The following PHF21B variants were observed in gnomAD, a reference collection of about 807,000 sequenced individuals.
PHF21B encodes the protein PHD finger protein 4.
PHF21B carries 22 observed loss-of-function variants against 62.2 expected under a neutral mutation model. The ratio of observed to expected loss-of-function variants is 0.35; its 90% CI spans 0.25 to 0.51. The LOEUF (loss-of-function observed/expected upper bound fraction) is 0.51. Ranked by LOEUF, PHF21B falls within the 20% of genes least tolerant of loss-of-function variation. The pLI is 0.97. For missense variants in PHF21B, 701 were observed against 707.9 expected (o/e 0.99, Z 0.11); for synonymous variants, 341 against 314.7 (o/e 1.08, Z -0.88).
chr22:44,908,706 T>C (rs2071294258), intron 5 of PHF21B, among the ~76,000 whole-genome samples: 1 of 152,244 alleles, frequency 6.6e-6, no homozygotes, highest in Non-Finnish European at 1.5e-5. Flanking sequence ...CAGCTACTGC[T>C]GTCCGGTTTC....
At chr22:44,998,858 C>T (rs1343651163) in intron 2 of PHF21B, among the ~76,000 whole-genome samples, 1 of 152,198 alleles carries the variant, frequency 6.6e-6, no homozygotes. Context: ...AATGCTCGCC[C>T]CATTCATCCC....
intron 5 of PHF21B, among the ~76,000 whole-genome samples, chr22:44,900,596 C>T (rs1042718873): frequency 1.1e-4 from 17 of 152,306 alleles, no homozygotes; most frequent in African/African-American, 2.9e-4. Flanking sequence ...CCACTGCACC[C>T]GGCTAGATTT....
chr22:44,913,779 C>A (rs938697240), intron 5 of PHF21B, 43 bp downstream of exon 5: 35 of 1,578,690 alleles, frequency 2.2e-5, no homozygotes, highest in Non-Finnish European at 3.0e-5. Flanking sequence ...ATGGCACCTG[C>A]AGACTGAGCA....
intron 2 of PHF21B, among the ~76,000 whole-genome samples, chr22:44,923,658 C>T (rs2071577381): frequency 6.6e-6 from 1 of 152,028 alleles, no homozygotes; most frequent in South Asian, 2.1e-4. Context: ...ACTCTTAAAA[C>T]TCAATAATCT....
At chr22:45,007,995 G>A (rs1030814917) in intron 2 of PHF21B, among the ~76,000 whole-genome samples, 4 of 152,046 alleles carry the variant, frequency 2.6e-5, no homozygotes, top group Non-Finnish European at 5.9e-5. Flanking sequence ...CAAAGTTGGA[G>A]CAGAACTGGG....
At chr22:44,992,794 A>ACC (rs1023388276) in intron 2 of PHF21B, among the ~76,000 whole-genome samples, 3 of 151,358 alleles carry the variant, frequency 2.0e-5, no homozygotes, top group Non-Finnish European at 4.4e-5. Flanking sequence ...CCTGACGCTG[A>ACC]CCCCCCAGAG....
intron 5 of PHF21B, among the ~76,000 whole-genome samples, chr22:44,898,968 C>G (rs947258065): frequency 2.0e-5 from 3 of 152,152 alleles, no homozygotes; most frequent in Non-Finnish European, 2.9e-5. Context: ...GGGTCTATTT[C>G]TGGGCCTTCT....
rs1265750908 is a variant in PHF21B at position 44,914,010 on chromosome 22, G to C, written c.643C>G (p.Pro215Ala). The C allele has an allele frequency of 6.7e-7, 1 of 1,495,646 alleles. No individual in the cohort carries two copies. Among genetic ancestry groups the C allele is most frequent in the African/African-American group, 1.4e-5 (1 of 72,082 alleles). The allele number at this position is 1,495,646 out of a possible 1,614,324, so 92.6% of individuals were successfully genotyped here. ...PLHPSSLPLT[P>A]PSPSLSPSPL... is the part of the protein sequence containing the mutation. ...GAAGGGGACAGTGATGGGGAGGGAG[G>C]GGTGAGGGGAAGAGAGGAGGGGTGG... Residue 215 changes from proline (P) to alanine (A), a missense_variant, in exon 5 of 13, where the codon CCT (proline) becomes GCT (alanine). Transcript: ENST00000313237.
chr22:44,974,276 T>C (rs894243511), intron 2 of PHF21B, among the ~76,000 whole-genome samples: 2 of 151,856 alleles, frequency 1.3e-5, no homozygotes, highest in Non-Finnish European at 1.5e-5. Context: ...CAGCTGGGCA[T>C]GGTGGCGGAT....
At chr22:44,985,021 A>T (rs2072921000) in intron 2 of PHF21B, among the ~76,000 whole-genome samples, 1 of 152,046 alleles carries the variant, frequency 6.6e-6, no homozygotes, top group Non-Finnish European at 1.5e-5. Context: ...TATCCTGTTA[A>T]CTCTGCAGGG....
At chr22:44,899,714 T>A (rs555266108) in intron 5 of PHF21B, among the ~76,000 whole-genome samples, 3 of 152,224 alleles carry the variant, frequency 2.0e-5, no homozygotes, top group African/African-American at 7.2e-5. Flanking sequence ...AAATATTGAA[T>A]ATTCTTATTA....
At chr22:44,946,989 G>A (rs541258521) in intron 2 of PHF21B, among the ~76,000 whole-genome samples, 5 of 152,328 alleles carry the variant, frequency 3.3e-5, no homozygotes, top group East Asian at 1.9e-4. Context: ...AGGGGGCTGC[G>A]GCCAATTGGC....
chr22:44,992,587 C>T (rs546080095), intron 2 of PHF21B, among the ~76,000 whole-genome samples: 11 of 152,366 alleles, frequency 7.2e-5, no homozygotes, highest in African/African-American at 2.4e-4. Flanking sequence ...AATCTCTGCG[C>T]GTGCACGTGT....
chr22:44,934,506 C>T (rs748837050), intron 2 of PHF21B, among the ~76,000 whole-genome samples: 18 of 152,256 alleles, frequency 1.2e-4, no homozygotes, highest in African/African-American at 2.2e-4. Flanking sequence ...ACCAGGATGG[C>T]GTGGTCAGGA....
chr22:44,970,268 T>C (rs1344696979), intron 2 of PHF21B, among the ~76,000 whole-genome samples: 2 of 152,276 alleles, frequency 1.3e-5, no homozygotes, highest in Non-Finnish European at 2.9e-5. Context: ...TGACCTGCTC[T>C]GCACAGAAGG....
rs957020029 is a variant in PHF21B, at chr22:44,920,407, C to A, written c.204G>T (p.Val68=). 6.2e-7 allele frequency: 1 copy of A among 1,610,386 alleles called. No individual in the cohort carries two copies. The highest frequency in any genetic ancestry group is 1.3e-5 in the African/African-American group (1 of 74,846). ...LQRLAGQGAA[V]LPQVRPKTLI... ...CCCGAGGGCTGCTTACCTGAGGTAG[C>A]ACTGCCGCTCCTTGCCCGGCCAACC... is the stretch of plus-strand genomic sequence containing the variant. The change falls in exon 3 of 13, where the codon GTG becomes GTT. Residue 68 remains valine, a synonymous_variant. Coordinates refer to ENST00000313237, the MANE Select transcript of PHF21B (RefSeq NM_138415.5).
intron 12 of PHF21B, 33 bp from the exon 13 acceptor site, chr22:44,883,337 A>C: frequency 3.8e-6 from 6 of 1,599,510 alleles, no homozygotes; most frequent in Non-Finnish European, 5.1e-6. Context: ...AAAGGGTCTC[A>C]GTATTCGGCT....
At chr22:44,891,719 T>C (rs2070969353) in intron 7 of PHF21B, among the ~76,000 whole-genome samples, 1 of 152,196 alleles carries the variant, frequency 6.6e-6, no homozygotes, top group Admixed American at 6.5e-5. Context: ...CTCAACTGGG[T>C]CTGGAGTCAG....
intron 3 of PHF21B, 50 bp from the exon 4 acceptor site, chr22:44,916,680 G>A: frequency 1.3e-6 from 2 of 1,548,086 alleles, no homozygotes; most frequent in Non-Finnish European, 8.8e-7. Context: ...ACACAGGAGT[G>A]CAGGGGAGGG....
Sources: allele counts gnomAD v4.1 joint callset (sites outside exome capture counted in the v4.1 genomes callset), GRCh38; gene constraint gnomAD v4.1.1; transcripts MANE v1.5; gene names NCBI Gene and HGNC (gene_info 2026-07-23, HGNC 2026-07-21).